PLEKHG1: variants seen among roughly 807,000 people sequenced by gnomAD.
PLEKHG1 encodes the protein pleckstrin homology and RhoGEF domain containing G1.
A neutral mutation model predicts 100.8 loss-of-function variants in PLEKHG1; 44 were observed. The observed-to-expected ratio is 0.44, with a 90% confidence interval of 0.34 to 0.56. The LOEUF is 0.56. Among genes scored for constraint, PLEKHG1 ranks in the 20% least tolerant of loss-of-function variants. The pLI is 0.01. For missense variants in PLEKHG1, 1,545 were observed against 1,720.9 expected, an observed-to-expected ratio of 0.90 and a Z score of 1.81; for synonymous variants, 640 against 662.5, an observed-to-expected ratio of 0.97 and a Z score of 0.52.
At chr6:150,817,026 G>A (rs942755576) in intron 10 of PLEKHG1, among the ~76,000 whole-genome samples, 4 of 152,200 alleles carry the variant, frequency 2.6e-5, no homozygotes, top group Admixed American at 1.3e-4. Context: ...AAATCCAGAC[G>A]AAGCTTCTCT....
chr6:150,799,020 C>T (rs1786536721), intron 5 of PLEKHG1, among the ~76,000 whole-genome samples: 1 of 151,564 alleles, frequency 6.6e-6, no homozygotes, highest in Non-Finnish European at 1.5e-5. Flanking sequence ...GGATTGCAGC[C>T]ATGAGCCACT....
At chr6:150,807,229 CAT>C (rs1787174628) in intron 7 of PLEKHG1, among the ~76,000 whole-genome samples, 1 of 152,094 alleles carries the variant, frequency 6.6e-6, no homozygotes, top group South Asian at 2.1e-4. Context: ...GTAGGGAAAA[CAT>C]AGTATATTTA....
chr6:150,840,852 C>G, exon 16 of PLEKHG1: 1 of 1,613,000 alleles, frequency 6.2e-7, no homozygotes, highest in Non-Finnish European at 8.5e-7. Context: ...TGTCCAGTCT[C>G]TAAGGGAAAA....
rs116531113 is a variant in PLEKHG1 at position 150,770,054 on chromosome 6, A to T, written c.512+1316A>T. Among the ~76,000 whole-genome samples the T allele has an allele frequency of 6.5e-3, 987 of 152,278 alleles. 15 individuals carry two copies. Among genetic ancestry groups the T allele is most frequent in the African/African-American group, 0.023 (946 of 41,550 alleles). ...TGGAAATAATAGGAAAATCTCCCTC[A>T]TATGGTTACAGTGAAGCTCCCGTGA... On this transcript the variant is annotated intron_variant, in intron 3 of 15. Coordinates refer to ENST00000358517, the Ensembl canonical transcript of PLEKHG1.
intron 15 of PLEKHG1, among the ~76,000 whole-genome samples, chr6:150,838,003 C>G (rs1777319766): frequency 6.6e-6 from 1 of 152,134 alleles, no homozygotes; most frequent in Non-Finnish European, 1.5e-5. Context: ...TTACCTTGAT[C>G]ACAGGGAATA....
At chr6:150,655,700 T>G (rs1395380258) in intron 3 of PLEKHG1, among the ~76,000 whole-genome samples, 7 of 99,334 alleles carry the variant, frequency 7.0e-5, no homozygotes, top group Non-Finnish European at 1.1e-4. Context: ...AGAGTGAGAC[T>G]CCATCTCAAA....
chr6:150,758,106 GT>G (rs1393635477), intron 2 of PLEKHG1, among the ~76,000 whole-genome samples: 1 of 152,082 alleles, frequency 6.6e-6, no homozygotes, highest in Non-Finnish European at 1.5e-5. Context: ...TTGATTCTAT[GT>G]CTTTGCTATT....
intron 1 of PLEKHG1, among the ~76,000 whole-genome samples, chr6:150,614,500 C>CA (rs879534818): frequency 0.079 from 12,083 of 152,192 alleles, 546 homozygotes; most frequent in Non-Finnish European, 0.1. Flanking sequence ...GTTTTATGGA[C>CA]AGTGGTGGTC....
At chr6:150,706,544 G>A (rs1356261378) in intron 3 of PLEKHG1, among the ~76,000 whole-genome samples, 2 of 151,132 alleles carry the variant, frequency 1.3e-5, no homozygotes, top group African/African-American at 4.9e-5. Context: ...AGCCTGGGAG[G>A]TTGAGGCTGC....
At chr6:150,717,303 G>A (rs1487061135), upstream of PLEKHG1, among the ~76,000 whole-genome samples, 2 of 151,832 alleles carry the variant, frequency 1.3e-5, no homozygotes, top group Non-Finnish European at 2.9e-5. Context: ...GCCTCCCAAA[G>A]TGCTGGGATT....
intron 1 of PLEKHG1, among the ~76,000 whole-genome samples, chr6:150,614,040 T>C (rs1776959854): frequency 6.6e-6 from 1 of 152,206 alleles, no homozygotes; most frequent in Admixed American, 6.5e-5. Flanking sequence ...AGTATTTAAA[T>C]GGATGAATGA....
rs1554276244 is a variant in PLEKHG1, at chr6:150,804,175, A to ATTTTTTTTTT, written c.781-416_781-407dup. ...ATATTTTATATATATATATATATAT[A>ATTTTTTTTTT]TTTTTTTTTTTTTTTTTTTTTTTTT... is the stretch of plus-strand genomic sequence containing the variant. On this transcript the variant is annotated intron_variant, in intron 6 of 15. Transcript: ENST00000358517. Among the ~76,000 whole-genome samples, 5 of 43,174 alleles carry ATTTTTTTTTT rather than the reference A, an allele frequency of 1.2e-4. 2 individuals carry two copies. Among genetic ancestry groups the ATTTTTTTTTT allele is most frequent in the African/African-American group, 9.9e-5 (1 of 10,118 alleles). The allele number at this position is 43,174 out of a possible 152,430, so 28.3% of individuals were successfully genotyped here.
intron 1 of PLEKHG1, among the ~76,000 whole-genome samples, chr6:150,603,188 G>T (rs189869263): frequency 6.6e-6 from 1 of 152,040 alleles, no homozygotes; most frequent in African/African-American, 2.4e-5. Flanking sequence ...ATTCAGGCAG[G>T]GATGGGAAGG....
chr6:150,809,783 C>T lies in PLEKHG1; in HGVS notation c.1278+49C>T, dbSNP rs1390350428. 1.5e-5 allele frequency: 21 copies of T among 1,430,832 alleles called. 1 individual carries two copies. Among genetic ancestry groups the T allele is most frequent in the Non-Finnish European group, 2.0e-5 (20 of 1,021,520 alleles). The allele number at this position is 1,430,832 out of a possible 1,614,324, so 88.6% of individuals were successfully genotyped here. A position where few individuals can be genotyped will look rare whatever the true frequency, so the allele number is the denominator to read the frequency against. ...TGAAATGGGAGAGAGATACAAGAAT[C>T]ATTTGAACCTGGGAGGTGGAGGTTA... On this transcript the variant is annotated intron_variant, in intron 10 of 15. Transcript: ENST00000358517.
chr6:150,602,969 T>A (rs1184964203), intron 1 of PLEKHG1, among the ~76,000 whole-genome samples: 40 of 147,670 alleles, frequency 2.7e-4, no homozygotes, highest in Admixed American at 5.5e-4. Context: ...TAGTCCCAGC[T>A]ACTCAAAAGG....
chr6:150,716,145 C>T (rs565337007), upstream of PLEKHG1, among the ~76,000 whole-genome samples: 7 of 151,734 alleles, frequency 4.6e-5, no homozygotes, highest in African/African-American at 1.7e-4. Flanking sequence ...TGACCGCATG[C>T]CTTGTTCTTT....
chr6:150,622,509 C>T (rs1282046691), intron 1 of PLEKHG1, among the ~76,000 whole-genome samples: 1 of 152,112 alleles, frequency 6.6e-6, no homozygotes, highest in East Asian at 1.9e-4. Context: ...TTCTCCCCAC[C>T]CTACCACTGT....
chr6:150,781,602 C>CT (rs1439794298), intron 3 of PLEKHG1, among the ~76,000 whole-genome samples: 5 of 150,938 alleles, frequency 3.3e-5, no homozygotes, highest in Non-Finnish European at 5.9e-5. Flanking sequence ...GAGAGCTGAA[C>CT]TTTTTTTTTA....
At chr6:150,640,431 G>A (rs920913203) in intron 2 of PLEKHG1, among the ~76,000 whole-genome samples, 2 of 152,096 alleles carry the variant, frequency 1.3e-5, no homozygotes, top group Non-Finnish European at 2.9e-5. Flanking sequence ...AACAGCAAAC[G>A]TGTCCCCATC....
Sources: gnomAD v4.1 joint callset for allele counts (sites outside exome capture counted in the v4.1 genomes callset) on GRCh38, gnomAD v4.1.1 for gene constraint, MANE v1.5 for transcripts, NCBI Gene and HGNC (gene_info 2026-07-23, HGNC 2026-07-21) for gene names.